PRKG1: variants seen among roughly 807,000 people sequenced by gnomAD.
PRKG1 encodes cGMP-dependent protein kinase 1.
A neutral mutation model predicts 88.1 loss-of-function variants in PRKG1; 35 were observed. That is an observed-to-expected ratio of 0.40 (90% confidence interval 0.30 to 0.53). PRKG1 has a LOEUF of 0.53. Ranked by LOEUF, PRKG1 falls within the 20% of genes least tolerant of loss-of-function variation. The pLI, the probability that PRKG1 is intolerant of heterozygous loss-of-function variation, is 0.59. For missense variants in PRKG1, 540 were observed against 839.8 expected (o/e 0.64, Z 4.41); for synonymous variants, 303 against 292.5 (o/e 1.04, Z -0.37).
At chr10:52,244,322 T>C (rs1840947520) in intron 9 of PRKG1, among the ~76,000 whole-genome samples, 1 of 152,048 alleles carries the variant, frequency 6.6e-6, no homozygotes, top group Non-Finnish European at 1.5e-5. Context: ...CTTTTTGATT[T>C]CCAATGAAGT....
chr10:51,475,613 T>C (rs1840167618), intron 3 of PRKG1, among the ~76,000 whole-genome samples: 2 of 152,020 alleles, frequency 1.3e-5, no homozygotes. Flanking sequence ...AGCAGAGATA[T>C]TTAAGGAAAG....
chr10:51,904,429 G>A lies in PRKG1; in HGVS notation c.699-3078G>A, dbSNP rs114683612. Among the ~76,000 whole-genome samples, 1,241 of 152,116 alleles carry A rather than the reference G, an allele frequency of 8.2e-3. 17 individuals carry two copies. Among genetic ancestry groups the A allele is most frequent in the African/African-American group, 0.026 (1,059 of 41,522 alleles). On this transcript the variant is annotated intron_variant, in intron 4 of 17. Coordinates refer to ENST00000373980, the MANE Select transcript of PRKG1 (RefSeq NM_006258.4). ...GGAGGAAACTAAACTAATATATTTC[G>A]TGGGTAGAATTTCAAACTATAAACA...
At chr10:51,564,273 A>G (rs1837544749) in intron 3 of PRKG1, among the ~76,000 whole-genome samples, 1 of 152,124 alleles carries the variant, frequency 6.6e-6, no homozygotes, top group Non-Finnish European at 1.5e-5. Flanking sequence ...AATGGGAAAA[A>G]GCTAGACAAT....
At chr10:51,142,078 T>C (rs985605536) in intron 1 of PRKG1, among the ~76,000 whole-genome samples, 1 of 152,094 alleles carries the variant, frequency 6.6e-6, no homozygotes, top group African/African-American at 2.4e-5. Context: ...TATGTACATA[T>C]TGAAGTCATC....
intron 2 of PRKG1, among the ~76,000 whole-genome samples, chr10:51,377,144 A>T (rs537522243): frequency 6.6e-6 from 1 of 152,236 alleles, no homozygotes; most frequent in African/African-American, 2.4e-5. Flanking sequence ...TATTCTCAGT[A>T]GTCTCTATGC....
chr10:52,271,908 G>A (rs1046278953), intron 11 of PRKG1, among the ~76,000 whole-genome samples: 1 of 152,042 alleles, frequency 6.6e-6, no homozygotes, highest in African/African-American at 2.4e-5. Flanking sequence ...AATGGATAAT[G>A]GGGAGATTTT....
chr10:51,271,550 A>G (rs1839980754), intron 2 of PRKG1, among the ~76,000 whole-genome samples: 2 of 152,222 alleles, frequency 1.3e-5, no homozygotes, highest in African/African-American at 2.4e-5. Flanking sequence ...TTAACTTTAA[A>G]TGGGGTTTTC....
chr10:51,020,290 C>T (rs530712339), intron 1 of PRKG1, among the ~76,000 whole-genome samples: 1 of 152,124 alleles, frequency 6.6e-6, no homozygotes, highest in Non-Finnish European at 1.5e-5. Context: ...AGATTACAGG[C>T]GTGAGCCACT....
chr10:52,044,141 G>T (rs926310744), intron 5 of PRKG1, among the ~76,000 whole-genome samples: 1 of 152,136 alleles, frequency 6.6e-6, no homozygotes, highest in East Asian at 1.9e-4. Context: ...TTCAAAGAAA[G>T]AAACCAGCAG....
At chr10:51,669,444 A>G (rs1840502533) in intron 3 of PRKG1, among the ~76,000 whole-genome samples, 1 of 152,220 alleles carries the variant, frequency 6.6e-6, no homozygotes, top group African/African-American at 2.4e-5. Flanking sequence ...ACAGGTGGTT[A>G]AGGCTTCAAC....
intron 1 of PRKG1, 56 bp from the exon 2 acceptor site, chr10:51,153,108 C>A (rs199927013): frequency 3.5e-5 from 53 of 1,526,610 alleles, no homozygotes; most frequent in Non-Finnish European, 4.4e-5. Flanking sequence ...CTAAACCTCA[C>A]AAACTATGAA....
intron 1 of PRKG1, among the ~76,000 whole-genome samples, chr10:51,061,060 G>GGTGTGTGTGTGTGTGT (rs71029344): frequency 0.077 from 11,392 of 147,054 alleles, 1,190 homozygotes; most frequent in African/African-American, 0.23. Flanking sequence ...TATACCTAGG[G>GGTGTGTGTGTGTGTGT]GTGTGTGTGT....
intron 4 of PRKG1, among the ~76,000 whole-genome samples, chr10:51,822,361 T>TA (rs574949307): frequency 2.0e-5 from 3 of 151,724 alleles, no homozygotes; most frequent in Non-Finnish European, 1.5e-5. Flanking sequence ...GTGTAGAAAC[T>TA]AAAAAAAGTA....
chr10:51,421,865 C>A (rs1329055918), intron 2 of PRKG1, among the ~76,000 whole-genome samples: 3 of 152,152 alleles, frequency 2.0e-5, no homozygotes, highest in African/African-American at 7.2e-5. Flanking sequence ...CCTGTTTCTG[C>A]TACTTACTGC....
At chr10:51,002,973 C>G (rs1284488046) in intron 1 of PRKG1, among the ~76,000 whole-genome samples, 1 of 152,066 alleles carries the variant, frequency 6.6e-6, no homozygotes, top group Non-Finnish European at 1.5e-5. Context: ...CAATAAGATG[C>G]TTTTATAAAA....
chr10:51,751,600 A>G (rs1042549849), intron 3 of PRKG1, among the ~76,000 whole-genome samples: 1 of 152,194 alleles, frequency 6.6e-6, no homozygotes, highest in East Asian at 1.9e-4. Flanking sequence ...TGCATGGAAC[A>G]TACTCTATAC....
chr10:51,150,664 C>T lies in PRKG1; in HGVS notation c.312-2500C>T, dbSNP rs186922270. On this transcript the variant is annotated intron_variant, in intron 1 of 17. Transcript: ENST00000373980. The stretch of plus-strand genomic sequence containing the variant: ...AGTTTCTTTTGAAGTGACACAACAG[C>T]CTATATGGAAGCCTCCAGTTTGTTT... Among the ~76,000 whole-genome samples the T allele has an allele frequency of 1.8e-4, 27 of 152,116 alleles. No homozygotes were observed. In the East Asian group the frequency reaches 5.2e-3, roughly 29 times the overall value.
chr10:51,521,833 AT>A (rs1006570122), intron 3 of PRKG1, among the ~76,000 whole-genome samples: 5 of 152,158 alleles, frequency 3.3e-5, no homozygotes, highest in African/African-American at 1.2e-4. Flanking sequence ...CGTGTGAATA[AT>A]TTTTTTAAGT....
intron 2 of PRKG1, among the ~76,000 whole-genome samples, chr10:51,345,634 C>G (rs1842096793): frequency 6.6e-6 from 1 of 152,080 alleles, no homozygotes; most frequent in African/African-American, 2.4e-5. Context: ...TCATTTGGAA[C>G]AAGCAAACAA....
Sources: allele counts gnomAD v4.1 joint callset (sites outside exome capture counted in the v4.1 genomes callset), GRCh38; gene constraint gnomAD v4.1.1; transcripts MANE v1.5; gene names NCBI Gene and HGNC (gene_info 2026-07-23, HGNC 2026-07-21).